Variants in PCDHGA8 observed in about 807,000 individuals in gnomAD.
The protein encoded by PCDHGA8 is protocadherin gamma subfamily A, 8, also known as protocadherin gamma-A8.
Under a neutral mutation model 59.2 loss-of-function variants are expected in PCDHGA8, and 45 were observed. The observed-to-expected ratio is 0.76, with a 90% CI of 0.60 to 0.98. PCDHGA8 has a LOEUF of 0.98. Ranked by LOEUF, PCDHGA8 falls within the 50% of genes least tolerant of loss-of-function variation. The probability of loss-of-function intolerance (pLI) is 0.00; values close to 1 mark genes in which losing one functional copy is unlikely to be tolerated. For missense variants in PCDHGA8, 1,257 were observed against 1,196.2 expected, an observed-to-expected ratio of 1.05 and a Z score of -0.75; for synonymous variants, 531 against 519.0, an observed-to-expected ratio of 1.02 and a Z score of -0.32.
At position 141,489,074 on chromosome 5, in the gene PCDHGA8, C is replaced by A; in HGVS notation, c.2425-5733C>A. On this transcript the variant is annotated intron_variant, in intron 1 of 3. Coordinates refer to ENST00000398604, the MANE Select transcript of PCDHGA8 (RefSeq NM_032088.2). The surrounding 1 kb of genome is among the most constrained non-coding windows in gnomAD (Gnocchi z 4.5). ...TTCAGCTCCCCTCCCCCCTGCCCAC[C>A]CCCGCCACTCGGTGACTAAGAACTG... 9.4e-6 allele frequency: 3 copies of A among 320,798 alleles called. No individual in the cohort carries two copies. The highest frequency in any genetic ancestry group is 1.7e-5 in the Non-Finnish European group (3 of 177,744). 19.9% of individuals were successfully genotyped at this position (320,798 alleles called of 1,614,324 possible). A position where few individuals can be genotyped will look rare whatever the true frequency, so the allele number is the denominator to read the frequency against.
At chr5:141,464,263 TAA>T (rs35224477) in intron 1 of PCDHGA8, among the ~76,000 whole-genome samples, 15 of 103,552 alleles carry the variant, frequency 1.4e-4, no homozygotes, top group Admixed American at 3.2e-4. Context: ...AGACTCCGTC[TAA>T]AAAAAAAAAA....
In PCDHGA8 at chr5:141,496,208, G is replaced by T. The variant is rs530974273; in HGVS notation, c.2483+1343G>T. On this transcript the variant is annotated intron_variant, in intron 2 of 3. Coordinates refer to ENST00000398604, the MANE Select transcript of PCDHGA8 (RefSeq NM_032088.2). Reference sequence around the variant, plus strand: ...CCAGCTGCTCATTTCAATCTGGTATGAATTCCTGCTGAGACAGGAACCCCC... The same window carrying T: ...CCAGCTGCTCATTTCAATCTGGTATTAATTCCTGCTGAGACAGGAACCCCC... Among the ~76,000 whole-genome samples, 13 of 152,222 alleles carry T rather than the reference G, an allele frequency of 8.5e-5. No homozygotes were observed. In the East Asian group the frequency reaches 2.3e-3, roughly 27 times the overall value.
rs2093001580 is a variant in PCDHGA8, at chr5:141,394,444, G to A, written c.1631G>A (p.Ser544Asn). Residue 544 changes from serine to asparagine, a missense_variant, in exon 1 of 4, where the codon AGC becomes AAC. Transcript: ENST00000398604. ...ASDSGDPPLS[S>N]NMSLSLFVLD... ...GACAGCGGGGACCCGCCCCTCAGCA[G>A]CAACATGTCACTGAGCCTGTTCGTG... 1 of 1,614,228 alleles carries A rather than the reference G, an allele frequency of 6.2e-7. No individual in the cohort carries two copies. The highest frequency in any genetic ancestry group is 8.5e-7 in the Non-Finnish European group (1 of 1,180,036).
chr5:141,487,041 G>T lies in PCDHGA8; in HGVS notation c.2425-7766G>T, dbSNP rs149314216. Reference sequence around the variant, plus strand: ...GATCCCAGCCTGTTTGCAGTCTCTCGATATGCTGGGGAGGTGCGGACGGCT... The same window carrying T: ...GATCCCAGCCTGTTTGCAGTCTCTCTATATGCTGGGGAGGTGCGGACGGCT... On this transcript the variant is annotated intron_variant, in intron 1 of 3. Transcript: ENST00000398604. This position sits in a 1 kb window ranked among gnomAD's most constrained non-coding sequence, Gnocchi z 5.0. 6.2e-7 allele frequency: 1 copy of T among 1,614,132 alleles called. No homozygotes were observed. The highest frequency in any genetic ancestry group is 8.5e-7 in the Non-Finnish European group (1 of 1,180,030).
chr5:141,403,532 C>T (rs1313886103), intron 1 of PCDHGA8: 2 of 1,613,892 alleles, frequency 1.2e-6, no homozygotes, highest in African/African-American at 2.7e-5. Context: ...AAACCCAGAG[C>T]TGGTGCTGGA....
intron 2 of PCDHGA8, among the ~76,000 whole-genome samples, chr5:141,503,269 C>T (rs1161751693): frequency 6.6e-6 from 1 of 152,116 alleles, no homozygotes; most frequent in Non-Finnish European, 1.5e-5. Flanking sequence ...ACCCCAGCAC[C>T]TGGCTCTGTG....
chr5:141,467,506 G>A (rs1364362269), intron 1 of PCDHGA8, among the ~76,000 whole-genome samples: 1 of 152,094 alleles, frequency 6.6e-6, no homozygotes, highest in Non-Finnish European at 1.5e-5. Flanking sequence ...TGATCTAATT[G>A]GAGTTTATTC....
At chr5:141,411,578 T>C (rs892738350) in intron 1 of PCDHGA8, 10 of 152,194 alleles carry the variant, frequency 6.6e-5, no homozygotes, top group African/African-American at 2.4e-4. Flanking sequence ...AGTGCGACCC[T>C]GTCTCTAAAA....
intron 1 of PCDHGA8, among the ~76,000 whole-genome samples, chr5:141,446,948 T>C (rs1166868490): frequency 6.6e-6 from 1 of 152,186 alleles, no homozygotes; most frequent in African/African-American, 2.4e-5. Context: ...GTAAGAAACA[T>C]CCAGCACCCA....
rs767245444 is a variant in PCDHGA8, at chr5:141,393,478, G to A, written c.665G>A (p.Arg222His). 1 of 1,614,052 alleles carries A rather than the reference G, an allele frequency of 6.2e-7. No homozygotes were observed. The change falls in exon 1 of 4, where the codon CGC (arginine) becomes CAC (histidine). Residue 222 changes from arginine (R) to histidine (H), a missense_variant. Transcript: ENST00000398604. ...GCCTCGGATGGCGGCAAGCCGCCTC[G>A]CTCTAGCACAGTGCGCATCCACGTG... is the stretch of plus-strand genomic sequence containing the variant. ...LTASDGGKPP[R>H]SSTVRIHVTV...
chr5:141,490,042 G>A lies in PCDHGA8; in HGVS notation c.2425-4765G>A. On this transcript the variant is annotated intron_variant, in intron 1 of 3. Transcript: ENST00000398604. This position sits in a 1 kb window ranked among gnomAD's most constrained non-coding sequence, Gnocchi z 5.4. ...TCTGCTGCTCCGCCTCAATGCCACT[G>A]ATCCAGACGAGGGCACCAACGGCCA... The A allele has an allele frequency of 6.2e-7, 1 of 1,614,266 alleles. No homozygotes were observed. Among genetic ancestry groups the A allele is most frequent in the Non-Finnish European group, 8.5e-7 (1 of 1,180,038 alleles).
At chr5:141,466,296 A>G (rs2099120415) in intron 1 of PCDHGA8, among the ~76,000 whole-genome samples, 1 of 152,136 alleles carries the variant, frequency 6.6e-6, no homozygotes. Flanking sequence ...TCAGGCTCCC[A>G]AGTAGCTGGG....
At chr5:141,409,772 C>T (rs2095314133) in intron 1 of PCDHGA8, 1 of 1,612,736 alleles carries the variant, frequency 6.2e-7, no homozygotes, top group Non-Finnish European at 8.5e-7. Flanking sequence ...TGATCACGAG[C>T]AGCTGCGCGC....
intron 1 of PCDHGA8, among the ~76,000 whole-genome samples, chr5:141,438,702 C>A (rs1217378337): frequency 5.7e-5 from 8 of 140,876 alleles, no homozygotes; most frequent in Non-Finnish European, 4.6e-5. Flanking sequence ...GCTCTGTCAC[C>A]CAGGCTGGAG....
chr5:141,496,306 C>T (rs1380057886), intron 2 of PCDHGA8, among the ~76,000 whole-genome samples: 1 of 152,202 alleles, frequency 6.6e-6, no homozygotes, highest in South Asian at 2.1e-4. Flanking sequence ...ATAGGCTCTG[C>T]GCCAGGCCTC....
intron 2 of PCDHGA8, among the ~76,000 whole-genome samples, chr5:141,500,187 TA>T (rs56304898): frequency 0.051 from 5,679 of 110,700 alleles, 126 homozygotes; most frequent in Middle Eastern, 0.14. Flanking sequence ...TTTTTATTTT[TA>T]TTTATTTATT....
Position 141,393,109 on chromosome 5 carries a change from G to C in PCDHGA8, c.296G>C (p.Ser99Thr), listed in dbSNP as rs2092681202. The change falls in exon 1 of 4, where the codon AGC becomes ACC. Residue 99 changes from serine to threonine, a missense_variant. Coordinates refer to ENST00000398604, the MANE Select transcript of PCDHGA8 (RefSeq NM_032088.2). ...RIDREELCAQ[S>T]PRCLININTL... is the part of the protein sequence containing the mutation. The stretch of plus-strand genomic sequence containing the variant: ...GATCGGGAGGAGCTCTGCGCTCAGA[G>C]CCCGCGGTGTCTGATAAATATTAAC... 2 of 1,613,430 alleles carry C rather than the reference G, an allele frequency of 1.2e-6. No homozygotes were observed. Among genetic ancestry groups the C allele is most frequent in the Non-Finnish European group, 1.7e-6 (2 of 1,179,910 alleles).
Position 141,400,401 on chromosome 5 carries a change from G to A in PCDHGA8, c.2424+5164G>A, listed in dbSNP as rs760681088. 4 of 1,613,936 alleles carry A rather than the reference G, an allele frequency of 2.5e-6. No homozygotes were observed. The South Asian group carries it at 4.4e-5, about 18-fold the overall frequency. ...TATGTGTTGCACATACAGGAAAGAC[G>A]GAGTTTAATTTCCTAAAATGTAGTG... On this transcript the variant is annotated intron_variant, in intron 1 of 3. Transcript: ENST00000398604.
At position 141,487,444 on chromosome 5, in the gene PCDHGA8, T is replaced by G; in HGVS notation, c.2425-7363T>G. 1 of 1,614,194 alleles carries G rather than the reference T, an allele frequency of 6.2e-7. No individual in the cohort carries two copies. The highest frequency in any genetic ancestry group is 8.5e-7 in the Non-Finnish European group (1 of 1,180,040). ...TCCTCCGAATCCAGCTAGGGTCAGA[T>G]GACCCTATCAAGTTTGTTGATGTGG... On this transcript the variant is annotated intron_variant, in intron 1 of 3. Transcript: ENST00000398604. This position sits in a 1 kb window ranked among gnomAD's most constrained non-coding sequence, Gnocchi z 5.0.
Sources: gnomAD v4.1 joint callset for allele counts (sites outside exome capture counted in the v4.1 genomes callset) on GRCh38, gnomAD v4.1.1 for gene constraint, Gnocchi (gnomAD v3.1) non-coding constraint, MANE v1.5 for transcripts, NCBI Gene and HGNC (gene_info 2026-07-23, HGNC 2026-07-21) for gene names.